Variants in GRIN2A observed in about 807,000 individuals in gnomAD.
GRIN2A encodes the protein glutamate receptor ionotropic, NMDA 2A.
Under a neutral mutation model 113.4 loss-of-function variants are expected in GRIN2A, and 22 were observed. The ratio of observed to expected loss-of-function variants is 0.19; its 90% CI spans 0.14 to 0.28. GRIN2A has a LOEUF of 0.28. Among genes scored for constraint, GRIN2A ranks in the 10% least tolerant of loss-of-function variants. The pLI is 1.00. For missense variants in GRIN2A, 1,502 were observed against 1,887.0 expected, an observed-to-expected ratio of 0.80 and a Z score of 3.78; for synonymous variants, 827 against 738.4, an observed-to-expected ratio of 1.12 and a Z score of -1.94.
At chr16:9,867,288 T>A (rs1008031424) in intron 4 of GRIN2A, among the ~76,000 whole-genome samples, 2 of 152,112 alleles carry the variant, frequency 1.3e-5, no homozygotes, top group Non-Finnish European at 2.9e-5. Flanking sequence ...CTTTCCTTTT[T>A]CCTAATTGCA....
chr16:9,835,801 T>C (rs918110567), intron 7 of GRIN2A, among the ~76,000 whole-genome samples: 3 of 152,210 alleles, frequency 2.0e-5, no homozygotes, highest in African/African-American at 7.2e-5. Context: ...AATTCCAATT[T>C]AATGAGTTTA....
At chr16:10,014,091 G>T (rs1168823978) in intron 2 of GRIN2A, among the ~76,000 whole-genome samples, 1 of 152,246 alleles carries the variant, frequency 6.6e-6, no homozygotes, top group Non-Finnish European at 1.5e-5. Context: ...TGAGAGCAGA[G>T]TGCAAGCCTG....
intron 4 of GRIN2A, among the ~76,000 whole-genome samples, chr16:9,883,102 C>G (rs897405204): frequency 1.3e-5 from 2 of 152,162 alleles, no homozygotes; most frequent in Non-Finnish European, 2.9e-5. Context: ...CTCTGGTTCT[C>G]TGAACCAGAA....
At chr16:9,861,971 C>T (rs1393310953) in intron 4 of GRIN2A, among the ~76,000 whole-genome samples, 2 of 152,146 alleles carry the variant, frequency 1.3e-5, no homozygotes, top group Non-Finnish European at 2.9e-5. Context: ...TTCCTGGAAG[C>T]TGATTAAGAA....
chr16:9,937,544 A>G (rs1034660979), intron 3 of GRIN2A, among the ~76,000 whole-genome samples: 13 of 152,294 alleles, frequency 8.5e-5, no homozygotes, highest in African/African-American at 2.9e-4. Context: ...AATTCCTACC[A>G]TTATGCAGAC....
intron 8 of GRIN2A, among the ~76,000 whole-genome samples, chr16:9,831,520 CT>C (rs57684819): frequency 4.4e-4 from 57 of 129,062 alleles, no homozygotes; most frequent in Middle Eastern, 3.9e-3. Flanking sequence ...TTTTCTTTTT[CT>C]TTTTTTTTTT....
At chr16:9,897,527 A>T (rs143216516) in intron 3 of GRIN2A, among the ~76,000 whole-genome samples, 10 of 152,364 alleles carry the variant, frequency 6.6e-5, no homozygotes, top group African/African-American at 2.4e-4. Context: ...AAATGTGGTT[A>T]GTCTGAATTG....
At chr16:9,817,912 G>A (rs554964871) in intron 10 of GRIN2A, among the ~76,000 whole-genome samples, 1 of 152,216 alleles carries the variant, frequency 6.6e-6, no homozygotes, top group East Asian at 1.9e-4. Context: ...GGGTGTTGGG[G>A]GAATGTTCAA....
chr16:10,148,747 G>A (rs2142284306), intron 2 of GRIN2A, among the ~76,000 whole-genome samples: 1 of 151,988 alleles, frequency 6.6e-6, no homozygotes, highest in East Asian at 1.9e-4. Context: ...AAGGAAATCA[G>A]TATATCAAAG....
chr16:10,021,145 TG>T (rs1191866468), intron 2 of GRIN2A, among the ~76,000 whole-genome samples: 1 of 150,042 alleles, frequency 6.7e-6, no homozygotes, highest in Non-Finnish European at 1.5e-5. Context: ...AGTCACTGGG[TG>T]GGTGGGAGAG....
At chr16:10,122,509 G>T (rs143979674) in intron 2 of GRIN2A, among the ~76,000 whole-genome samples, 1 of 152,230 alleles carries the variant, frequency 6.6e-6, no homozygotes, top group Non-Finnish European at 1.5e-5. Context: ...AAGGTCATTA[G>T]AGGCATGCGG....
chr16:10,166,662 C>A (rs1158944064), intron 2 of GRIN2A, among the ~76,000 whole-genome samples: 1 of 152,182 alleles, frequency 6.6e-6, no homozygotes, highest in Non-Finnish European at 1.5e-5. Context: ...GATGCATCCA[C>A]AAAGCATTTT....
chr16:9,996,049 A>AAAAG lies in GRIN2A; in HGVS notation c.415-57502_415-57499dup, dbSNP rs1277308628. Among the ~76,000 whole-genome samples the AAAAG allele has an allele frequency of 8.9e-4, 117 of 132,058 alleles. 1 individual carries two copies. The highest frequency in any genetic ancestry group is 3.0e-3 in the African/African-American group (109 of 35,920). 86.6% of individuals were successfully genotyped at this position (132,058 alleles called of 152,430 possible). A position where few individuals can be genotyped will look rare whatever the true frequency, so the allele number is the denominator to read the frequency against. Reference sequence around the variant, plus strand: ...CAAAAAAAAAAAAAAAAAAAAAAAAAAAAGAAAGAAAGAAGTAAGAGGGAA... The same window carrying AAAAG: ...CAAAAAAAAAAAAAAAAAAAAAAAAAAAAGAAAGAAAGAAAGAAGTAAGAGGGAA... On this transcript the variant is annotated intron_variant, in intron 2 of 12. Transcript: ENST00000330684.
chr16:9,949,517 G>A (rs1282221714), intron 2 of GRIN2A, among the ~76,000 whole-genome samples: 1 of 151,810 alleles, frequency 6.6e-6, no homozygotes, highest in Non-Finnish European at 1.5e-5. Context: ...GATGACGGAA[G>A]AGAAAAATGA....
At chr16:10,009,477 C>A (rs2046463725) in intron 2 of GRIN2A, among the ~76,000 whole-genome samples, 1 of 152,042 alleles carries the variant, frequency 6.6e-6, no homozygotes, top group South Asian at 2.1e-4. Context: ...CACTCGAAAC[C>A]ATAAGTGCCC....
chr16:9,890,215 C>T (rs557998516), intron 4 of GRIN2A, among the ~76,000 whole-genome samples: 6 of 152,268 alleles, frequency 3.9e-5, no homozygotes, highest in South Asian at 2.1e-4. Context: ...AAGATAACAA[C>T]GTAACAACAA....
intron 2 of GRIN2A, among the ~76,000 whole-genome samples, chr16:10,097,308 T>C (rs2048313197): frequency 6.6e-6 from 1 of 152,186 alleles, no homozygotes. Flanking sequence ...ATGCAAGTGG[T>C]TTAAAGCACA....
intron 11 of GRIN2A, among the ~76,000 whole-genome samples, chr16:9,778,390 A>G (rs2141175417): frequency 6.6e-6 from 1 of 152,370 alleles, no homozygotes; most frequent in East Asian, 1.9e-4. Context: ...ATTTGTGAGC[A>G]CAAATGAATT....
At chr16:9,949,949 A>G in intron 2 of GRIN2A, among the ~76,000 whole-genome samples, 1 of 152,166 alleles carries the variant, frequency 6.6e-6, no homozygotes, top group Non-Finnish European at 1.5e-5. Flanking sequence ...GAGGGGGCTC[A>G]GAGGTAGAAC....
Sources: gnomAD v4.1 joint callset for allele counts (sites outside exome capture counted in the v4.1 genomes callset) on GRCh38, gnomAD v4.1.1 for gene constraint, MANE v1.5 for transcripts, NCBI Gene and HGNC (gene_info 2026-07-23, HGNC 2026-07-21) for gene names.